The following CCSER1 variants were observed in gnomAD, a reference collection of about 807,000 sequenced individuals.
CCSER1 encodes serine-rich coiled-coil domain-containing protein 1.
Under a neutral mutation model 82.0 loss-of-function variants are expected in CCSER1, and 41 were observed. The ratio of observed to expected loss-of-function variants is 0.50; its 90% CI spans 0.39 to 0.65. CCSER1 has a LOEUF of 0.65. Ranked by LOEUF, CCSER1 falls within the 30% of genes least tolerant of loss-of-function variation. CCSER1 has a pLI of 0.00. For missense variants in CCSER1, 1,119 were observed against 1,064.2 expected (o/e 1.05, Z -0.72); for synonymous variants, 414 against 383.9 (o/e 1.08, Z -0.92).
chr4:90,379,838 C>G (rs754848198), intron 3 of CCSER1, among the ~76,000 whole-genome samples: 1 of 152,072 alleles, frequency 6.6e-6, no homozygotes, highest in Non-Finnish European at 1.5e-5. Context: ...GTACAGGAAG[C>G]ATAGTGGATT....
At chr4:91,393,811 A>G (rs1234124289) in intron 10 of CCSER1, among the ~76,000 whole-genome samples, 1 of 152,114 alleles carries the variant, frequency 6.6e-6, no homozygotes, top group African/African-American at 2.4e-5. Flanking sequence ...CTTTCGTGTT[A>G]GTCATTCCTG....
chr4:90,663,311 C>T (rs1731157307), intron 6 of CCSER1, among the ~76,000 whole-genome samples: 1 of 152,128 alleles, frequency 6.6e-6, no homozygotes, highest in Admixed American at 6.5e-5. Flanking sequence ...GAGATTCAAT[C>T]AGGTTTATTA....
At chr4:90,740,123 T>C (rs548595915) in intron 7 of CCSER1, among the ~76,000 whole-genome samples, 20 of 152,336 alleles carry the variant, frequency 1.3e-4, no homozygotes, top group African/African-American at 4.8e-4. Flanking sequence ...AATGTCACCA[T>C]ATTTAAATTA....
At chr4:91,495,156 G>A (rs1011954979) in intron 10 of CCSER1, among the ~76,000 whole-genome samples, 10 of 151,720 alleles carry the variant, frequency 6.6e-5, no homozygotes, top group Non-Finnish European at 1.0e-4. Flanking sequence ...GATTAGAATA[G>A]TAATCAGATA....
intron 1 of CCSER1, among the ~76,000 whole-genome samples, chr4:90,223,148 A>G (rs1742479494): frequency 2.0e-5 from 3 of 152,202 alleles, no homozygotes; most frequent in African/African-American, 7.2e-5. Flanking sequence ...AATCACTGAT[A>G]TATTCCTCAT....
rs1726078570 is a variant in CCSER1, at chr4:90,270,581, G to T, written c.-41-37663G>T. On this transcript the variant is annotated intron_variant, in intron 1 of 10. Transcript: ENST00000509176. ...CTGAAAGACTTTCCTCTAAGATCTG[G>T]AACATGACATGGATGTTCACTTTCA... Among the ~76,000 whole-genome samples, 3 of 152,132 alleles carry T rather than the reference G, an allele frequency of 2.0e-5. No homozygotes were observed. The South Asian group carries it at 6.2e-4, about 32-fold the overall frequency.
intron 1 of CCSER1, among the ~76,000 whole-genome samples, chr4:90,293,137 C>G (rs1041489685): frequency 1.3e-5 from 2 of 151,732 alleles, no homozygotes; most frequent in South Asian, 2.1e-4. Flanking sequence ...ATCTTTTACA[C>G]TAATATGTTT....
chr4:90,269,278 G>T (rs1725814631), intron 1 of CCSER1, among the ~76,000 whole-genome samples: 1 of 152,030 alleles, frequency 6.6e-6, no homozygotes, highest in Non-Finnish European at 1.5e-5. Flanking sequence ...TAGACCATAT[G>T]TTAGGTCAAA....
intron 9 of CCSER1, among the ~76,000 whole-genome samples, chr4:91,080,093 C>A (rs893305747): frequency 6.6e-6 from 1 of 152,184 alleles, no homozygotes; most frequent in Non-Finnish European, 1.5e-5. Context: ...GAACTCTCCA[C>A]CCCAAAACAA....
chr4:91,195,021 T>C (rs1735299076), intron 10 of CCSER1, among the ~76,000 whole-genome samples: 1 of 152,226 alleles, frequency 6.6e-6, no homozygotes, highest in Admixed American at 6.5e-5. Context: ...CTATATTTAT[T>C]TTCTTTATTA....
chr4:90,973,476 T>C (rs2150404168), intron 9 of CCSER1, among the ~76,000 whole-genome samples: 1 of 151,760 alleles, frequency 6.6e-6, no homozygotes, highest in East Asian at 1.9e-4. Flanking sequence ...ACTTAACACA[T>C]GTTAAGATAA....
At chr4:91,348,578 T>A (rs1241511678) in intron 10 of CCSER1, among the ~76,000 whole-genome samples, 1 of 152,176 alleles carries the variant, frequency 6.6e-6, no homozygotes, top group African/African-American at 2.4e-5. Flanking sequence ...TTGGTAGAAT[T>A]CATCTGAGCT....
intron 10 of CCSER1, among the ~76,000 whole-genome samples, chr4:91,321,017 T>C (rs182353599): frequency 6.6e-6 from 1 of 152,204 alleles, no homozygotes. Flanking sequence ...ATCATGATTG[T>C]TTTACCTTGT....
At chr4:91,393,678 G>A (rs1402520310) in intron 10 of CCSER1, among the ~76,000 whole-genome samples, 1 of 151,958 alleles carries the variant, frequency 6.6e-6, no homozygotes, top group Non-Finnish European at 1.5e-5. Context: ...AGCTCATCCT[G>A]ATTGTGTTTT....
intron 10 of CCSER1, among the ~76,000 whole-genome samples, chr4:91,285,285 G>T (rs1743199122): frequency 7.1e-6 from 1 of 141,196 alleles, no homozygotes. Context: ...TCTTTTTAAA[G>T]AAAAAAGTCC....
At chr4:90,974,797 A>G (rs985192271) in intron 9 of CCSER1, among the ~76,000 whole-genome samples, 1 of 151,446 alleles carries the variant, frequency 6.6e-6, no homozygotes, top group Non-Finnish European at 1.5e-5. Context: ...TCACTTTAGA[A>G]AACAGTAAGA....
chr4:91,555,574 T>G (rs1762360715), intron 10 of CCSER1, among the ~76,000 whole-genome samples: 1 of 150,950 alleles, frequency 6.6e-6, no homozygotes, highest in Admixed American at 6.6e-5. Context: ...ATTAATGTTA[T>G]CCATTTTCAA....
intron 5 of CCSER1, among the ~76,000 whole-genome samples, chr4:90,575,696 AT>A (rs113780858): frequency 4.6e-5 from 7 of 151,076 alleles, no homozygotes; most frequent in South Asian, 2.1e-4. Context: ...CTTTCCTCAA[AT>A]TTTTTTTTCT....
intron 10 of CCSER1, among the ~76,000 whole-genome samples, chr4:91,356,945 T>G (rs1748876333): frequency 6.6e-6 from 1 of 152,076 alleles, no homozygotes; most frequent in Non-Finnish European, 1.5e-5. Flanking sequence ...AAGGACCACC[T>G]TAGTGGAAGG....
Sources: gnomAD v4.1 joint callset for allele counts (sites outside exome capture counted in the v4.1 genomes callset) on GRCh38, gnomAD v4.1.1 for gene constraint, MANE v1.5 for transcripts, NCBI Gene and HGNC (gene_info 2026-07-23, HGNC 2026-07-21) for gene names.